The following TSGA10 variants were observed in gnomAD, a reference collection of about 807,000 sequenced individuals.
TSGA10 encodes testis-specific gene 10 protein.
Under a neutral mutation model 96.6 loss-of-function variants are expected in TSGA10, and 43 were observed. The ratio of observed to expected loss-of-function variants is 0.44; its 90% CI spans 0.35 to 0.57. The LOEUF (loss-of-function observed/expected upper bound fraction) is 0.57, where lower values mean the gene tolerates loss of function less well. Ranked by LOEUF, TSGA10 falls within the 20% of genes least tolerant of loss-of-function variation. The pLI is 0.01. For missense variants in TSGA10, 703 were observed against 834.4 expected, an observed-to-expected ratio of 0.84 and a Z score of 1.94; for synonymous variants, 229 against 269.9, an observed-to-expected ratio of 0.85 and a Z score of 1.48.
At chr2:99,012,306 G>C (rs2079069308) in intron 20 of TSGA10, among the ~76,000 whole-genome samples, 1 of 152,150 alleles carries the variant, frequency 6.6e-6, no homozygotes, top group Non-Finnish European at 1.5e-5. Flanking sequence ...AACAACTAAT[G>C]TGATGAACAG....
intron 16 of TSGA10, among the ~76,000 whole-genome samples, chr2:99,055,209 A>G (rs1399016222): frequency 2.0e-5 from 3 of 152,156 alleles, no homozygotes; most frequent in African/African-American, 7.2e-5. Context: ...ATTTGTGACC[A>G]CATGGATGAC....
At chr2:99,022,923 T>C (rs2080173078) in intron 17 of TSGA10, among the ~76,000 whole-genome samples, 1 of 152,238 alleles carries the variant, frequency 6.6e-6, no homozygotes, top group Non-Finnish European at 1.5e-5. Context: ...TTTCTATTAA[T>C]GATGTTCAGC....
intron 10 of TSGA10, among the ~76,000 whole-genome samples, chr2:99,094,374 A>T (rs745610925): frequency 2.0e-5 from 3 of 152,168 alleles, no homozygotes; most frequent in Non-Finnish European, 4.4e-5. Flanking sequence ...ACCCAAAAGC[A>T]AATGGAACAA....
At chr2:99,150,802 A>C in intron 1 of TSGA10, 1 of 1,598,862 alleles carries the variant, frequency 6.3e-7, no homozygotes, top group Non-Finnish European at 8.5e-7. Flanking sequence ...TGTCAAAGAA[A>C]GTGATGGACT....
chr2:99,152,161 A>G (rs2093700280), intron 1 of TSGA10, among the ~76,000 whole-genome samples: 1 of 152,226 alleles, frequency 6.6e-6, no homozygotes, highest in African/African-American at 2.4e-5. Context: ...AGTGCCTTGT[A>G]GAGTTTTGTG....
intron 16 of TSGA10, among the ~76,000 whole-genome samples, chr2:99,041,811 G>C (rs1027380041): frequency 6.6e-6 from 1 of 152,006 alleles, no homozygotes; most frequent in Non-Finnish European, 1.5e-5. Context: ...GCAACACAAA[G>C]ATAAATAGAT....
At chr2:99,153,633 C>T (rs192483500) in intron 1 of TSGA10, among the ~76,000 whole-genome samples, 6 of 152,276 alleles carry the variant, frequency 3.9e-5, no homozygotes, top group Admixed American at 1.3e-4. Context: ...GTAATATAAG[C>T]AAAGAGCAAC....
intron 16 of TSGA10, among the ~76,000 whole-genome samples, chr2:99,044,279 C>T (rs961399882): frequency 2.7e-5 from 4 of 149,890 alleles, no homozygotes; most frequent in African/African-American, 9.9e-5. Flanking sequence ...TCAGGAGATC[C>T]ATCTCACGTA....
chr2:99,060,399 T>C (rs1440049241), intron 16 of TSGA10, among the ~76,000 whole-genome samples: 1 of 152,132 alleles, frequency 6.6e-6, no homozygotes, highest in Non-Finnish European at 1.5e-5. Context: ...TTAATACCTA[T>C]ACACTGAAAA....
intron 16 of TSGA10, among the ~76,000 whole-genome samples, chr2:99,038,229 A>T (rs2081842119): frequency 6.6e-6 from 1 of 152,172 alleles, no homozygotes; most frequent in African/African-American, 2.4e-5. Context: ...CAAGGCCTAT[A>T]AAACAATAAC....
chr2:99,048,780 A>G (rs777994056), intron 16 of TSGA10, among the ~76,000 whole-genome samples: 2 of 152,194 alleles, frequency 1.3e-5, no homozygotes, highest in Non-Finnish European at 2.9e-5. Flanking sequence ...AACTGTCATC[A>G]GTATGAACAG....
chr2:99,081,434 T>G (rs1479967725), intron 10 of TSGA10, 37 bp from the exon 11 acceptor site: 1 of 1,317,996 alleles, frequency 7.6e-7, no homozygotes, highest in Admixed American at 2.3e-5. Context: ...ATTCTGAAAT[T>G]TTTGTTTTGT....
At chr2:99,132,088 G>A (rs1018121531) in intron 1 of TSGA10, among the ~76,000 whole-genome samples, 3 of 151,952 alleles carry the variant, frequency 2.0e-5, no homozygotes, top group African/African-American at 7.2e-5. Context: ...ATTTTTTGCT[G>A]TTGTTGTTTC....
At chr2:99,087,242 A>G (rs539791199) in intron 10 of TSGA10, among the ~76,000 whole-genome samples, 44 of 151,580 alleles carry the variant, frequency 2.9e-4, no homozygotes, top group South Asian at 4.2e-4. Flanking sequence ...CACGGTAGCT[A>G]ATGCCTGTAA....
At chr2:99,086,937 T>C (rs1441256058) in intron 10 of TSGA10, among the ~76,000 whole-genome samples, 1 of 150,926 alleles carries the variant, frequency 6.6e-6, no homozygotes, top group East Asian at 1.9e-4. Context: ...GGGCGCAGTG[T>C]CTCATGCCTG....
intron 1 of TSGA10, chr2:99,141,605 C>G (rs1048430655): frequency 6.5e-6 from 1 of 153,060 alleles, no homozygotes; most frequent in African/African-American, 2.4e-5. Context: ...CCGAGCGTCC[C>G]GTCTCCTAGT....
At chr2:99,007,665 A>G (rs994571759) in intron 20 of TSGA10, among the ~76,000 whole-genome samples, 3 of 152,232 alleles carry the variant, frequency 2.0e-5, no homozygotes, top group Non-Finnish European at 4.4e-5. Flanking sequence ...AGGAGACTTT[A>G]GAACACCACT....
At chr2:99,059,913 CAAA>C (rs35460548) in intron 16 of TSGA10, among the ~76,000 whole-genome samples, 1 of 54,442 alleles carries the variant, frequency 1.8e-5, no homozygotes. Context: ...GACCCCATCT[CAAA>C]AAAAAAAAAA....
intron 16 of TSGA10, among the ~76,000 whole-genome samples, chr2:99,042,211 T>G (rs2082262769): frequency 6.6e-6 from 1 of 152,112 alleles, no homozygotes; most frequent in Non-Finnish European, 1.5e-5. Flanking sequence ...TGGCCAGTGT[T>G]ATATTGTTCT....
Sources: allele counts gnomAD v4.1 joint callset (sites outside exome capture counted in the v4.1 genomes callset), GRCh38; gene constraint gnomAD v4.1.1; transcripts MANE v1.5; gene names NCBI Gene and HGNC (gene_info 2026-07-23, HGNC 2026-07-21).